The following TMEM71 variants were observed in gnomAD, a reference collection of about 807,000 sequenced individuals.
The protein encoded by TMEM71 is transmembrane protein 71.
A neutral mutation model predicts 38.0 loss-of-function variants in TMEM71; 44 were observed. The observed-to-expected ratio is 1.16, with a 90% CI of 0.91 to 1.49. The LOEUF is 1.49. Ranked by LOEUF, TMEM71 falls within the 40% of genes most tolerant of loss-of-function variation. The probability of loss-of-function intolerance (pLI) is 0.00; values close to 1 mark genes in which losing one functional copy is unlikely to be tolerated. For missense variants in TMEM71, 367 were observed against 348.6 expected (o/e 1.05, Z -0.42); for synonymous variants, 133 against 122.5 (o/e 1.09, Z -0.56).
chr8:132,713,499 C>T (rs1826345821), intron 9 of TMEM71, among the ~76,000 whole-genome samples: 1 of 152,086 alleles, frequency 6.6e-6, no homozygotes, highest in South Asian at 2.1e-4. Context: ...TGGTGCTATC[C>T]AGACTGTTTG....
At chr8:132,752,770 G>A (rs1350257876) in intron 3 of TMEM71, among the ~76,000 whole-genome samples, 25 of 133,052 alleles carry the variant, frequency 1.9e-4, no homozygotes, top group Middle Eastern at 4.0e-3. Flanking sequence ...GAGAGAGAGA[G>A]AAAAAAAAAA....
At chr8:132,754,155 A>G (rs184201894) in intron 3 of TMEM71, among the ~76,000 whole-genome samples, 1 of 151,564 alleles carries the variant, frequency 6.6e-6, no homozygotes, top group East Asian at 2.0e-4. Context: ...TATAGGGACT[A>G]TCACCTCCCT....
chr8:132,770,746 C>A, the TMEM71 span, among the ~76,000 whole-genome samples: 1 of 145,454 alleles, frequency 6.9e-6, no homozygotes, highest in Admixed American at 6.8e-5. Context: ...TTACATGCGA[C>A]AAAAAGAATC....
At chr8:132,722,237 T>G (rs1208825277) in intron 6 of TMEM71, 122 bp from the exon 7 acceptor site, 1 of 710,476 alleles carries the variant, frequency 1.4e-6, no homozygotes, top group African/African-American at 1.8e-5. Context: ...TTGGAATGTA[T>G]GTCAGTTCAA....
chr8:132,769,163 G>T, the TMEM71 span, among the ~76,000 whole-genome samples: 3 of 152,234 alleles, frequency 2.0e-5, no homozygotes, highest in Non-Finnish European at 4.4e-5. Flanking sequence ...ATAAAGAAGT[G>T]TAAGGCATTA....
intron 7 of TMEM71, among the ~76,000 whole-genome samples, chr8:132,721,463 A>T (rs1377117508): frequency 6.6e-6 from 1 of 152,158 alleles, no homozygotes; most frequent in Admixed American, 6.5e-5. Flanking sequence ...CTTTGGAGAA[A>T]AAGCAATCCA....
chr8:132,720,757 G>C (rs918952149), intron 7 of TMEM71, among the ~76,000 whole-genome samples: 1 of 152,156 alleles, frequency 6.6e-6, no homozygotes, highest in African/African-American at 2.4e-5. Flanking sequence ...TGTGGGACTC[G>C]AGAGCAGGCA....
chr8:132,721,605 G>A (rs1184889097), intron 7 of TMEM71, among the ~76,000 whole-genome samples: 2 of 148,504 alleles, frequency 1.3e-5, no homozygotes, highest in African/African-American at 2.5e-5. Context: ...GGAGTGCAAT[G>A]GCGGGATCTC....
chr8:132,766,793 AAAT>A, the TMEM71 span, among the ~76,000 whole-genome samples: 18 of 76,544 alleles, frequency 2.4e-4, no homozygotes, highest in South Asian at 9.3e-3. Flanking sequence ...TAAAAAAAAA[AAAT>A]AAAAATAAAA....
chr8:132,717,820 T>C (rs892430557), intron 7 of TMEM71, among the ~76,000 whole-genome samples: 6 of 152,234 alleles, frequency 3.9e-5, no homozygotes, highest in Non-Finnish European at 8.8e-5. Context: ...TTATTCATAA[T>C]GGTCAAATGG....
chr8:132,713,473 C>T (rs10110686), intron 9 of TMEM71, among the ~76,000 whole-genome samples: 40,481 of 151,944 alleles, frequency 0.27, 9,437 homozygotes, highest in African/African-American at 0.63. Flanking sequence ...TTAACACAGT[C>T]CATCGTGCAA....
At chr8:132,708,152 C>T (rs374910775), downstream of TMEM71, among the ~76,000 whole-genome samples, 1 of 152,124 alleles carries the variant, frequency 6.6e-6, no homozygotes. Context: ...AACAATATTG[C>T]CCGCTGCTAG....
chr8:132,717,078 A>G (rs1367474437), intron 7 of TMEM71, among the ~76,000 whole-genome samples: 1 of 152,238 alleles, frequency 6.6e-6, no homozygotes. Context: ...GCCATATACA[A>G]AGGTTAACTC....
At chr8:132,764,042 G>C (rs1222243423), upstream of TMEM71, among the ~76,000 whole-genome samples, 1 of 152,056 alleles carries the variant, frequency 6.6e-6, no homozygotes, top group Non-Finnish European at 1.5e-5. Flanking sequence ...CCCATTAGAT[G>C]GCAATATCTT....
Position 132,751,826 on chromosome 8 carries a change from G to A in TMEM71, c.273C>T (p.Asn91=), listed in dbSNP as rs1457758325. Reference sequence around the variant, plus strand: ...TATACATAACGCTGGTCTGGGATGGGTTCAGAGTTATGTTGCCATCTTTGT... The same window carrying A: ...TATACATAACGCTGGTCTGGGATGGATTCAGAGTTATGTTGCCATCTTTGT... ...LCDKDGNITL[N]PSQTSVMYKE... The change falls in exon 4 of 10, where the codon AAC becomes AAT. Residue 91 remains asparagine (N), a synonymous_variant. Coordinates refer to ENST00000677595, the MANE Select transcript of TMEM71 (RefSeq NM_001382403.1). 2 of 1,613,738 alleles carry A rather than the reference G, an allele frequency of 1.2e-6. No individual in the cohort carries two copies. Among genetic ancestry groups the A allele is most frequent in the Non-Finnish European group, 1.7e-6 (2 of 1,180,044 alleles).
At chr8:132,737,642 AAAT>A (rs1023916874) in intron 5 of TMEM71, among the ~76,000 whole-genome samples, 10 of 152,208 alleles carry the variant, frequency 6.6e-5, no homozygotes, top group Admixed American at 2.0e-4. Flanking sequence ...AAATGGGGAT[AAAT>A]AATAATAACT....
At chr8:132,773,395 T>C in the TMEM71 span, among the ~76,000 whole-genome samples, 11 of 152,226 alleles carry the variant, frequency 7.2e-5, no homozygotes, top group African/African-American at 2.7e-4. Context: ...GGAAGACCCA[T>C]TGTCAAGTTC....
intron 7 of TMEM71, among the ~76,000 whole-genome samples, chr8:132,719,429 G>C (rs1174872950): frequency 6.6e-6 from 1 of 152,172 alleles, no homozygotes; most frequent in African/African-American, 2.4e-5. Context: ...TAGGCTGTGT[G>C]TATATGAAAC....
intron 4 of TMEM71, among the ~76,000 whole-genome samples, chr8:132,748,441 CA>C (rs993681869): frequency 6.6e-6 from 1 of 152,168 alleles, no homozygotes; most frequent in African/African-American, 2.4e-5. Context: ...CAGTTGCCCA[CA>C]ACAAATAATT....
Sources: allele counts gnomAD v4.1 joint callset (sites outside exome capture counted in the v4.1 genomes callset), GRCh38; gene constraint gnomAD v4.1.1; transcripts MANE v1.5; gene names NCBI Gene and HGNC (gene_info 2026-07-23, HGNC 2026-07-21).